Variants in CACNA1H observed in about 807,000 individuals in gnomAD.
CACNA1H encodes calcium voltage-gated channel subunit alpha1 H.
Under a neutral mutation model 192.5 loss-of-function variants are expected in CACNA1H, and 149 were observed. The ratio of observed to expected loss-of-function variants is 0.77; its 90% CI spans 0.68 to 0.89. The LOEUF is 0.89. CACNA1H is among the 40% of genes least tolerant of loss of function. CACNA1H has a pLI of 0.00. For missense variants in CACNA1H, 4,257 were observed against 3,423.5 expected, an observed-to-expected ratio of 1.24 and a Z score of -6.08; for synonymous variants, 2,202 against 1,475.2, an observed-to-expected ratio of 1.49 and a Z score of -11.29.
In CACNA1H at chr16:1,207,256, G is replaced by T. The variant is rs764138322; in HGVS notation, c.2908-19G>T. ...TTCGGGGCTGGGGTGACCACCCCAG[G>T]CCCCCTGCTATCCCCCAGATCCTGA... On this transcript the variant is annotated intron_variant, in intron 13 of 34. Transcript: ENST00000348261. 2.2e-5 allele frequency: 35 copies of T among 1,593,614 alleles called. No individual in the cohort carries two copies. The highest frequency in any genetic ancestry group is 9.4e-5 in the African/African-American group (7 of 74,340).
intron 2 of CACNA1H, among the ~76,000 whole-genome samples, chr16:1,178,108 G>A (rs1426964322): frequency 1.5e-5 from 1 of 65,616 alleles, no homozygotes; most frequent in African/African-American, 6.3e-5. Flanking sequence ...GGCCTCCCCC[G>A]CCCCCTCTCC....
intron 2 of CACNA1H, among the ~76,000 whole-genome samples, chr16:1,179,866 C>G (rs541042787): frequency 6.6e-6 from 1 of 151,466 alleles, no homozygotes; most frequent in African/African-American, 2.4e-5. Context: ...TCCCACGTAG[C>G]TGGGATTACA....
intron 2 of CACNA1H, among the ~76,000 whole-genome samples, chr16:1,185,342 T>C (rs1965880150): frequency 6.6e-6 from 1 of 152,096 alleles, no homozygotes; most frequent in Non-Finnish European, 1.5e-5. Context: ...GAGTGCCCGT[T>C]TCCTTTGTCC....
At chr16:1,183,077 C>G (rs1286833868) in intron 2 of CACNA1H, among the ~76,000 whole-genome samples, 2 of 146,568 alleles carry the variant, frequency 1.4e-5, no homozygotes, top group Non-Finnish European at 3.0e-5. Context: ...TGACCCGACA[C>G]CCCCAGCAGC....
At position 1,220,494 on chromosome 16, in the gene CACNA1H, A is replaced by G; in HGVS notation, c.6562A>G (p.Ser2188Gly). The G allele has an allele frequency of 1.3e-6, 2 of 1,538,514 alleles. No homozygotes were observed. The highest frequency in any genetic ancestry group is 1.4e-5 in the African/African-American group (1 of 70,852). ...ALGARRKKKMSPPCISVEPPA... is the reference protein window; with the variant it reads ...ALGARRKKKMGPPCISVEPPA... Reference sequence around the variant, plus strand: ...GGGTGCGCGCAGAAAGAAGAAGATGAGCCCCCCCTGCATCTCGGTGGAACC... The same window carrying G: ...GGGTGCGCGCAGAAAGAAGAAGATGGGCCCCCCCTGCATCTCGGTGGAACC... Residue 2188 changes from serine (S) to glycine (G), a missense_variant, in exon 35 of 35, where the codon AGC becomes GGC. Ser to Gly is a moderately conservative substitution (Grantham distance 56). Transcript: ENST00000348261.
At chr16:1,210,997 G>A (rs1387802851) in intron 21 of CACNA1H, 26 bp downstream of exon 21, 1 of 1,586,410 alleles carries the variant, frequency 6.3e-7, no homozygotes, top group Non-Finnish European at 8.5e-7. Context: ...TGGGCTCCCG[G>A]GGCAACCTGG....
In CACNA1H at chr16:1,177,570, C is replaced by T. The variant is rs115147321; in HGVS notation, c.300-17402C>T. ...GGGTGTTGGGGTGGAAGGGAAGGGGCCCCCCAGGACAGGCTTGGGAGGGGG... is the reference window on the plus strand; with the variant it reads ...GGGTGTTGGGGTGGAAGGGAAGGGGTCCCCCAGGACAGGCTTGGGAGGGGG... On this transcript the variant is annotated intron_variant, in intron 2 of 34. Transcript: ENST00000348261. Among the ~76,000 whole-genome samples, 1,492 of 152,114 alleles carry T rather than the reference C, an allele frequency of 9.8e-3. 30 individuals are homozygous for T. The highest frequency in any genetic ancestry group is 0.034 in the African/African-American group (1,397 of 41,490).
chr16:1,202,573 G>T lies in CACNA1H; in HGVS notation c.2002+121G>T. The T allele has an allele frequency of 3.4e-6, 3 of 892,094 alleles. 1 individual carries two copies. In the South Asian group the frequency reaches 5.6e-5, roughly 17 times the overall value. The allele number at this position is 892,094 out of a possible 1,614,324, so 55.3% of individuals were successfully genotyped here. On this transcript the variant is annotated intron_variant, in intron 9 of 34. Transcript: ENST00000348261. Reference sequence around the variant, plus strand: ...TCTGATGAGCCCAGCTTTGACTTGTGAAACAGACCAGCTATGCCTCTGGAG... The same window carrying T: ...TCTGATGAGCCCAGCTTTGACTTGTTAAACAGACCAGCTATGCCTCTGGAG...
rs752385455 is a variant in CACNA1H at position 1,220,330 on chromosome 16, G to A, written c.6398G>A (p.Arg2133His). 3.8e-5 allele frequency: 59 copies of A among 1,557,112 alleles called. No individual in the cohort carries two copies. Among genetic ancestry groups the A allele is most frequent in the Admixed American group, 3.2e-4 (17 of 52,968 alleles). Residue 2133 changes from arginine (R) to histidine (H), a missense_variant, in exon 35 of 35, where the codon CGC becomes CAC. By Grantham distance (29) the Arg-to-His change is conservative (BLOSUM62 0). Coordinates refer to ENST00000348261, the MANE Select transcript of CACNA1H (RefSeq NM_021098.3). ...SPVAGGERDL[R>H]RLYSVDAQGF... ...GTGGCCGGCGGCGAGCGGGACCTGC[G>A]CAGGCTCTACAGCGTGGATGCTCAG...
chr16:1,204,565 G>A (rs929794239), intron 10 of CACNA1H, 107 bp downstream of exon 10: 6 of 865,278 alleles, frequency 6.9e-6, no homozygotes, highest in Non-Finnish European at 1.1e-5. Context: ...TGGTAGGACG[G>A]TCAGGCAGGG....
rs1157849968 is a variant in CACNA1H at position 1,200,799 on chromosome 16, G to T, written c.1203G>T (p.Leu401=). ...TCTACAACTTCATCTATTTCATCCT[G>T]CTCATCATCGTGAGTGTGGGCGGCA... ...HSFYNFIYFI[L]LIIVGSFFMI... The change falls in exon 8 of 35, where the codon CTG becomes CTT. Residue 401 remains leucine, a synonymous_variant. Transcript: ENST00000348261. The T allele has an allele frequency of 1.3e-6, 2 of 1,551,570 alleles. No homozygotes were observed. Among genetic ancestry groups the T allele is most frequent in the Middle Eastern group, 1.7e-4 (1 of 5,996 alleles).
rs376597423 is a variant in CACNA1H at position 1,206,296 on chromosome 16, G to A, written c.2789+7G>A. On this transcript the variant is annotated splice_region_variant and intron_variant, in intron 12 of 34. Transcript: ENST00000348261. ...TCTTCATTTTCATCTTCAGGTGGGCGCAACCCCCCTCCCGGCCCGCCCAGT... is the reference window on the plus strand; with the variant it reads ...TCTTCATTTTCATCTTCAGGTGGGCACAACCCCCCTCCCGGCCCGCCCAGT... 2.1e-5 allele frequency: 33 copies of A among 1,550,504 alleles called. No homozygotes were observed. Among genetic ancestry groups the A allele is most frequent in the African/African-American group, 1.9e-4 (14 of 73,098 alleles).
At position 1,201,677 on chromosome 16, in the gene CACNA1H, C is replaced by T. The variant is rs369331588; in HGVS notation, c.1227C>T (p.Phe409=). Residue 409 remains phenylalanine (F), a synonymous_variant, in exon 9 of 35, where the codon TTC becomes TTT. Transcript: ENST00000348261. ...FILLIIVGSF[F]MINLCLVVIA... is the part of the protein sequence containing the mutation. ...CCCCGTCACAGGTGGGCTCCTTCTT[C>T]ATGATCAACCTGTGCCTGGTGGTGA... 1.9e-6 allele frequency: 3 copies of T among 1,599,662 alleles called. No individual in the cohort carries two copies. Among genetic ancestry groups the T allele is most frequent in the South Asian group, 1.1e-5 (1 of 89,932 alleles).
At chr16:1,200,674 G>A in intron 7 of CACNA1H, 42 bp from the exon 8 acceptor site, 1 of 1,573,720 alleles carries the variant, frequency 6.4e-7, no homozygotes, top group Non-Finnish European at 8.6e-7. Context: ...GGGAGGAGGA[G>A]GAGGGGTCGT....
intron 10 of CACNA1H, among the ~76,000 whole-genome samples, 199 bp from the exon 11 acceptor site, chr16:1,204,915 C>CT (rs1472452941): frequency 1.6e-4 from 5 of 31,946 alleles, no homozygotes; most frequent in Non-Finnish European, 2.6e-4. Flanking sequence ...CGGGTGGGGC[C>CT]CCAGATCAGT....
At chr16:1,165,326 G>A (rs957053000) in intron 2 of CACNA1H, among the ~76,000 whole-genome samples, 4 of 152,204 alleles carry the variant, frequency 2.6e-5, no homozygotes, top group African/African-American at 4.8e-5. Flanking sequence ...CCAGACCCCA[G>A]TTGGTGTGTT....
intron 22 of CACNA1H, 85 bp from the exon 23 acceptor site, chr16:1,211,396 C>G (rs1310187548): frequency 6.2e-7 from 1 of 1,606,632 alleles, no homozygotes; most frequent in Non-Finnish European, 8.5e-7. Context: ...GGAGGGACAG[C>G]TCGGGCCTCA....
At chr16:1,158,245 G>C (rs979337777) in intron 2 of CACNA1H, among the ~76,000 whole-genome samples, 1 of 152,208 alleles carries the variant, frequency 6.6e-6, no homozygotes, top group African/African-American at 2.4e-5. Context: ...CACAGATGGG[G>C]CTGAGACTGG....
At chr16:1,209,928 A>AGGCTGAGAAGGTGCTGGGAGGGGT (rs1969221848) in intron 17 of CACNA1H, 107 bp from the exon 18 acceptor site, 1 of 796,100 alleles carries the variant, frequency 1.3e-6, no homozygotes, top group African/African-American at 1.7e-5. Flanking sequence ...AGGATGGAGA[A>AGGCTGAGAAGGTGCTGGGAGGGGT]GGCTGAGAAG....
Sources: allele counts gnomAD v4.1 joint callset (sites outside exome capture counted in the v4.1 genomes callset), GRCh38; gene constraint gnomAD v4.1.1; transcripts MANE v1.5; gene names NCBI Gene and HGNC (gene_info 2026-07-23, HGNC 2026-07-21).